Variants in TMEM161A observed in about 807,000 individuals in gnomAD.
The protein encoded by TMEM161A is transmembrane protein 161A.
In TMEM161A, 46 loss-of-function variants were observed where a neutral mutation model predicts 57.1. The ratio of observed to expected loss-of-function variants is 0.81; its 90% CI spans 0.64 to 1.03. The LOEUF (loss-of-function observed/expected upper bound fraction) is 1.03, where lower values mean the gene tolerates loss of function less well. Among genes scored for constraint, TMEM161A ranks in the 50% least tolerant of loss-of-function variants. TMEM161A has a pLI of 0.00. For synonymous variants in TMEM161A, 288 were observed against 279.0 expected, an observed-to-expected ratio of 1.03 and a Z score of -0.32; for missense variants, 601 against 621.5, an observed-to-expected ratio of 0.97 and a Z score of 0.35.
intron 6 of TMEM161A, among the ~76,000 whole-genome samples, chr19:19,129,572 CCT>C (rs1417510903): frequency 6.6e-6 from 1 of 151,582 alleles, no homozygotes; most frequent in Non-Finnish European, 1.5e-5. Flanking sequence ...ATAGTGAGAC[CCT>C]GTTTCAATAA....
chr19:19,137,585 C>T (rs1187646016), intron 1 of TMEM161A, among the ~76,000 whole-genome samples: 2 of 152,190 alleles, frequency 1.3e-5, no homozygotes, highest in Non-Finnish European at 2.9e-5. Context: ...TCCTCATTCC[C>T]GGGAGCCTGT....
chr19:19,128,743 G>A (rs1484695788), intron 6 of TMEM161A, among the ~76,000 whole-genome samples: 1 of 151,662 alleles, frequency 6.6e-6, no homozygotes, highest in Non-Finnish European at 1.5e-5. Flanking sequence ...TCTCCATGTT[G>A]ATCAGGCTGG....
intron 2 of TMEM161A, among the ~76,000 whole-genome samples, chr19:19,133,770 C>A (rs1211699124): frequency 6.6e-6 from 1 of 152,144 alleles, no homozygotes; most frequent in African/African-American, 2.4e-5. Flanking sequence ...CCTCGCCCGG[C>A]CTTTGTTTTT....
In TMEM161A at chr19:19,121,899, C is replaced by G. The variant is rs2059913064; in HGVS notation, c.596-80G>C. 21 of 1,498,638 alleles carry G rather than the reference C, an allele frequency of 1.4e-5. No individual in the cohort carries two copies. Among genetic ancestry groups the G allele is most frequent in the Non-Finnish European group, 1.9e-5 (21 of 1,095,346 alleles). The allele number at this position is 1,498,638 out of a possible 1,614,324, so 92.8% of individuals were successfully genotyped here. A position where few individuals can be genotyped will look rare whatever the true frequency, so the allele number is the denominator to read the frequency against. Reference sequence around the variant, plus strand: ...CACTCTGTTCCCTAACCCCCCATCCCTCAGGCATCCGTTTGCTTCCCAAGT... The same window carrying G: ...CACTCTGTTCCCTAACCCCCCATCCGTCAGGCATCCGTTTGCTTCCCAAGT... On this transcript the variant is annotated intron_variant, in intron 6 of 11. Transcript: ENST00000162044. The surrounding 1 kb of genome is among the most constrained non-coding windows in gnomAD (Gnocchi z 5.8).
chr19:19,131,294 C>T (rs2059957119), intron 5 of TMEM161A, among the ~76,000 whole-genome samples: 2 of 152,136 alleles, frequency 1.3e-5, no homozygotes, highest in Middle Eastern at 3.4e-3. Context: ...ACAGGTTTCC[C>T]ACTCCAAAAG....
At chr19:19,120,719 T>G (rs2059904972) in intron 11 of TMEM161A, 46 bp downstream of exon 11, 4 of 1,574,126 alleles carry the variant, frequency 2.5e-6, no homozygotes, top group Non-Finnish European at 3.5e-6. Context: ...CTCTGTTTTA[T>G]CTTCCAACTC....
intron 6 of TMEM161A, among the ~76,000 whole-genome samples, chr19:19,129,769 G>A (rs765470275): frequency 6.6e-6 from 1 of 151,934 alleles, no homozygotes; most frequent in East Asian, 1.9e-4. Context: ...TTAGCCAGGC[G>A]TGGTGGTGCA....
At position 19,121,007 on chromosome 19, in the gene TMEM161A, A is replaced by C. The variant is rs2059906739; in HGVS notation, c.1074T>G (p.Arg358=). Residue 358 remains arginine, a synonymous_variant, in exon 10 of 12, where the codon CGT becomes CGG. Transcript: ENST00000162044. This position sits in a 1 kb window ranked among gnomAD's most constrained non-coding sequence, Gnocchi z 5.8. The part of the protein sequence containing the change: ...LRREAGRIEA[R]EIQQRVVRVY... ...GCGTCCATACCCTCTGCTGGATTTC[A>C]CGGGCTTCGATGCGGCCAGCCTCCC... 1.2e-6 allele frequency: 2 copies of C among 1,607,328 alleles called. No individual in the cohort carries two copies. The highest frequency in any genetic ancestry group is 1.3e-5 in the African/African-American group (1 of 74,928).
intron 5 of TMEM161A, chr19:19,130,549 G>T: frequency 1.9e-6 from 1 of 532,246 alleles, no homozygotes; most frequent in South Asian, 2.4e-5. Flanking sequence ...TCCCGCCCTG[G>T]GTGACCCTGC....
rs191464120 is a variant in TMEM161A, at chr19:19,120,748, A to G, written c.1186+17T>C. On this transcript the variant is annotated intron_variant, in intron 11 of 11. Transcript: ENST00000162044. ...CCAACTCCGCCCCTCCTCCACCCCC[A>G]CACCGCGGCATCTCACCCAGCGTCT... The G allele has an allele frequency of 1.5e-4, 220 of 1,492,816 alleles. No homozygotes were observed. The African/African-American group carries it at 3.0e-3, about 20-fold the overall frequency. The allele number at this position is 1,492,816 out of a possible 1,614,324, so 92.5% of individuals were successfully genotyped here.
chr19:19,131,189 C>T (rs1473514571), intron 5 of TMEM161A, among the ~76,000 whole-genome samples: 1 of 152,056 alleles, frequency 6.6e-6, no homozygotes, highest in Admixed American at 6.6e-5. Context: ...CACTGCACTC[C>T]AGCCTGGGCA....
At chr19:19,136,846 G>C (rs997055742) in intron 1 of TMEM161A, among the ~76,000 whole-genome samples, 4 of 151,946 alleles carry the variant, frequency 2.6e-5, no homozygotes, top group African/African-American at 7.3e-5. Context: ...AGACTGGCTG[G>C]CTGGCACTTA....
At chr19:19,129,312 C>G (rs1019538551) in intron 6 of TMEM161A, among the ~76,000 whole-genome samples, 5 of 152,028 alleles carry the variant, frequency 3.3e-5, no homozygotes, top group Admixed American at 2.0e-4. Flanking sequence ...AACTGAAAGG[C>G]AGGGAGAATT....
chr19:19,119,488 C>A lies in TMEM161A; in HGVS notation c.*442G>T. On this transcript the variant is annotated 3_prime_UTR_variant, in exon 12 of 12. Transcript: ENST00000162044. ...TCTCCTTTCTCCTCCCAGACCTTTG[C>A]TCCCCTCTCAGTCCTGCTCCTCTCT... The A allele has an allele frequency of 5.7e-6, 1 of 175,332 alleles. No individual in the cohort carries two copies. The highest frequency in any genetic ancestry group is 5.5e-5 in the Admixed American group (1 of 18,136). The allele number at this position is 175,332 out of a possible 1,614,324, so 10.9% of individuals were successfully genotyped here.
intron 5 of TMEM161A, chr19:19,130,587 A>C: frequency 2.3e-6 from 1 of 439,754 alleles, no homozygotes. Context: ...CCTACTTCAC[A>C]TCCCTTGGAA....
intron 6 of TMEM161A, among the ~76,000 whole-genome samples, chr19:19,129,473 C>T (rs563447019): frequency 3.9e-5 from 6 of 152,064 alleles, no homozygotes; most frequent in African/African-American, 7.2e-5. Flanking sequence ...AGGCCAGGCA[C>T]GGTGGCTCAC....
chr19:19,130,230 G>A lies in TMEM161A; in HGVS notation c.521C>T (p.Ala174Val). The change falls in exon 6 of 12, where the codon GCC (alanine) becomes GTC (valine). Residue 174 changes from alanine (A) to valine (V), a missense_variant. Ala to Val is a moderately conservative substitution (Grantham distance 64, BLOSUM62 0). Coordinates refer to ENST00000162044, the MANE Select transcript of TMEM161A (RefSeq NM_017814.3). ...GGERSVCLTF[A>V]FLFLLLAMLV... ...CATGGCCAGCAGCAGGAAGAGGAAG[G>A]CAAAGGTGAGGCAGACAGAGCGCTC... The A allele has an allele frequency of 6.2e-7, 1 of 1,613,950 alleles. No homozygotes were observed. Among genetic ancestry groups the A allele is most frequent in the Non-Finnish European group, 8.5e-7 (1 of 1,180,042 alleles).
chr19:19,120,001 A>T lies in TMEM161A; in HGVS notation c.1369T>A (p.Trp457Arg). The T allele has an allele frequency of 6.3e-7, 1 of 1,591,236 alleles. No homozygotes were observed. The highest frequency in any genetic ancestry group is 8.5e-7 in the Non-Finnish European group (1 of 1,169,652). ...LRGVLAYLIW[W>R]TAACQLLASL... is the part of the protein sequence containing the mutation. ...GCGAGCAGCTGGCAGGCAGCCGTCC[A>T]CCAGATGAGGTAGGCCAGGACGCCA... Residue 457 changes from tryptophan to arginine, a missense_variant, in exon 12 of 12, where the codon TGG (tryptophan) becomes AGG (arginine). By Grantham distance (101) the Trp-to-Arg change is moderately radical. Transcript: ENST00000162044.
In TMEM161A at chr19:19,121,160, G is replaced by A. The variant is rs755853561; in HGVS notation, c.921C>T (p.Ser307=). The change falls in exon 10 of 12, where the codon TCC becomes TCT. Residue 307 remains serine, a synonymous_variant. Coordinates refer to ENST00000162044, the MANE Select transcript of TMEM161A (RefSeq NM_017814.3). This position sits in a 1 kb window ranked among gnomAD's most constrained non-coding sequence, Gnocchi z 5.8. ...GGCGCCCAGAGTCGAAGGCAGAATCGGACAGCCTGTGCGGAGAGGGCCGGG... is the reference window on the plus strand; with the variant it reads ...GGCGCCCAGAGTCGAAGGCAGAATCAGACAGCCTGTGCGGAGAGGGCCGGG... ...PFGETRFSLL[S]DSAFDSGRLW... 1.4e-5 allele frequency: 23 copies of A among 1,605,030 alleles called. No homozygotes were observed. In the Admixed American group the frequency reaches 3.9e-4, roughly 27 times the overall value.
Sources: allele counts gnomAD v4.1 joint callset (sites outside exome capture counted in the v4.1 genomes callset), GRCh38; gene constraint gnomAD v4.1.1; non-coding constraint Gnocchi (gnomAD v3.1); transcripts MANE v1.5; gene names NCBI Gene and HGNC (gene_info 2026-07-23, HGNC 2026-07-21).